Variants in SLMAP observed in about 807,000 individuals in gnomAD.
SLMAP encodes sarcolemma associated protein, also known as sarcolemmal membrane-associated protein.
Under a neutral mutation model 128.8 loss-of-function variants are expected in SLMAP, and 44 were observed. The ratio of observed to expected loss-of-function variants is 0.34; its 90% CI spans 0.27 to 0.44. SLMAP has a LOEUF of 0.44. Ranked by LOEUF, SLMAP falls within the 20% of genes least tolerant of loss-of-function variation. The pLI is 1.00. For synonymous variants in SLMAP, 327 were observed against 348.8 expected (o/e 0.94, Z 0.70); for missense variants, 787 against 985.3 (o/e 0.80, Z 2.69).
rs753780730 is a variant in SLMAP at position 57,912,479 on chromosome 3, G to A, written c.1798G>A (p.Glu600Lys). Residue 600 changes from glutamate (E) to lysine (K), a missense_variant, in exon 20 of 25, where the codon GAA becomes AAA. By Grantham distance (56) the Glu-to-Lys change is moderately conservative (BLOSUM62 1). This residue lies in a region of SLMAP where 715 missense variants were observed against 843.6 expected (regional missense o/e 0.85). Coordinates refer to ENST00000671191, the MANE Select transcript of SLMAP (RefSeq NM_001377540.1). ...TRDELLSARDEILLLHQAAAK... is the reference protein window; with the variant it reads ...TRDELLSARDKILLLHQAAAK... ...AGATGAATTGCTTAGTGCCCGAGAT[G>A]AAATTTTGCTCCTTCATCAAGCAGC... The A allele has an allele frequency of 4.8e-5, 77 of 1,614,052 alleles. No individual in the cohort carries two copies. Among genetic ancestry groups the A allele is most frequent in the Non-Finnish European group, 5.7e-5 (67 of 1,180,008 alleles).
chr3:57,874,489 A>G (rs2095557347), intron 14 of SLMAP, among the ~76,000 whole-genome samples: 1 of 152,136 alleles, frequency 6.6e-6, no homozygotes. Flanking sequence ...CGGTAGTCCC[A>G]GCTACTCAGG....
intron 14 of SLMAP, 31 bp from the exon 15 acceptor site, chr3:57,890,009 GC>G: frequency 1.3e-6 from 2 of 1,510,704 alleles, no homozygotes; most frequent in Non-Finnish European, 1.8e-6. Flanking sequence ...CTCAGTTTGG[GC>G]TTGGATGGTA....
chr3:57,895,878 A>G (rs555685216), intron 15 of SLMAP, among the ~76,000 whole-genome samples: 1 of 151,806 alleles, frequency 6.6e-6, no homozygotes, highest in East Asian at 2.0e-4. Flanking sequence ...CAGGAGGTCA[A>G]GGTTGTAGTG....
At chr3:57,906,408 C>G (rs1369072549) in intron 17 of SLMAP, among the ~76,000 whole-genome samples, 1 of 145,106 alleles carries the variant, frequency 6.9e-6, no homozygotes, top group Non-Finnish European at 1.5e-5. Context: ...CTCTGCCTCC[C>G]AGGTTCAAGC....
At chr3:57,829,345 A>T (rs1054952166) in intron 2 of SLMAP, among the ~76,000 whole-genome samples, 1 of 152,128 alleles carries the variant, frequency 6.6e-6, no homozygotes, top group Admixed American at 6.5e-5. Context: ...CTAATGTATC[A>T]GAACTTGAAG....
At chr3:57,774,540 A>C (rs906731223) in intron 2 of SLMAP, among the ~76,000 whole-genome samples, 4 of 144,438 alleles carry the variant, frequency 2.8e-5, no homozygotes, top group Non-Finnish European at 6.2e-5. Context: ...TATTATTATT[A>C]TTGAGACGAA....
chr3:57,927,490 C>T lies in SLMAP; in HGVS notation c.*201C>T. On this transcript the variant is annotated 3_prime_UTR_variant, in exon 25 of 25. Transcript: ENST00000671191. ...TTTTCTTCCTCTTTACCTCTTAAAA[C>T]AGCAGAAGTACAAGAATACAGCTGT... The T allele has an allele frequency of 3.6e-6, 2 of 556,406 alleles. No individual in the cohort carries two copies. The highest frequency in any genetic ancestry group is 3.5e-5 in the South Asian group (1 of 28,670). 34.5% of individuals were successfully genotyped at this position (556,406 alleles called of 1,614,324 possible).
intron 2 of SLMAP, among the ~76,000 whole-genome samples, chr3:57,827,650 C>G (rs1490344530): frequency 6.6e-6 from 1 of 152,186 alleles, no homozygotes; most frequent in Non-Finnish European, 1.5e-5. Context: ...CTCACCTGCT[C>G]AACATCAAAG....
chr3:57,775,823 C>T (rs919314381), intron 2 of SLMAP, among the ~76,000 whole-genome samples: 4 of 152,110 alleles, frequency 2.6e-5, no homozygotes, highest in African/African-American at 7.2e-5. Flanking sequence ...CTGAGGCTCC[C>T]AAGTAACTGG....
chr3:57,843,835 C>T (rs1174757807), intron 4 of SLMAP, among the ~76,000 whole-genome samples: 3 of 116,642 alleles, frequency 2.6e-5, no homozygotes, highest in Non-Finnish European at 4.9e-5. Context: ...GGCTGGAGTG[C>T]GGTGGGATGA....
intron 2 of SLMAP, among the ~76,000 whole-genome samples, chr3:57,795,197 T>C (rs1268403943): frequency 1.3e-5 from 2 of 152,362 alleles, no homozygotes; most frequent in East Asian, 3.9e-4. Context: ...CATGTCCTTA[T>C]CAGACATTTG....
At chr3:57,867,965 C>T (rs80087143) in intron 13 of SLMAP, among the ~76,000 whole-genome samples, 2,461 of 152,100 alleles carry the variant, frequency 0.016, 56 homozygotes, top group African/African-American at 0.057. Flanking sequence ...CAGTGTTGTC[C>T]GAAATAAACA....
At chr3:57,899,819 A>C (rs2096330149) in intron 17 of SLMAP, 1 of 152,250 alleles carries the variant, frequency 6.6e-6, no homozygotes, top group South Asian at 2.1e-4. Context: ...GATGTAAAGA[A>C]AAATCATCTA....
At chr3:57,883,383 G>A (rs2153636722) in intron 14 of SLMAP, among the ~76,000 whole-genome samples, 1 of 152,232 alleles carries the variant, frequency 6.6e-6, no homozygotes, top group East Asian at 1.9e-4. Flanking sequence ...ATTACTCAAG[G>A]TAGTTAAAGC....
chr3:57,863,883 G>A (rs1050227696), intron 10 of SLMAP, among the ~76,000 whole-genome samples: 3 of 152,098 alleles, frequency 2.0e-5, no homozygotes, highest in Non-Finnish European at 1.5e-5. Flanking sequence ...TAAAATTTCA[G>A]AATGTTAACA....
At position 57,928,792 on chromosome 3, in the gene SLMAP, GTTTATAC is replaced by G. The variant is rs2097044634; in HGVS notation, c.*1508_*1514del. ...TGCCTTGTGATGTTTGGCAGTCACT[GTTTATAC>G]TTTAAAGGTTATATTTTAAGCTATT... On this transcript the variant is annotated 3_prime_UTR_variant, in exon 25 of 25. Transcript: ENST00000671191. 1.3e-5 allele frequency: 2 copies of G among 152,532 alleles called. No homozygotes were observed. The highest frequency in any genetic ancestry group is 1.3e-4 in the Admixed American group (2 of 15,290). The allele number at this position is 152,532 out of a possible 1,614,324, so 9.4% of individuals were successfully genotyped here.
intron 2 of SLMAP, among the ~76,000 whole-genome samples, chr3:57,759,139 C>T (rs540572173): frequency 3.3e-5 from 5 of 152,272 alleles, no homozygotes; most frequent in South Asian, 2.1e-4. Context: ...CTATACTTTA[C>T]GTGTAGGATG....
At chr3:57,855,617 C>T (rs1219600539) in intron 6 of SLMAP, among the ~76,000 whole-genome samples, 4 of 144,274 alleles carry the variant, frequency 2.8e-5, no homozygotes, top group South Asian at 2.2e-4. Context: ...TGGCTCATGC[C>T]TGAAATCCCA....
intron 6 of SLMAP, among the ~76,000 whole-genome samples, chr3:57,856,373 TC>T (rs1372463251): frequency 1.3e-5 from 2 of 152,232 alleles, no homozygotes. Flanking sequence ...GTACAACTGT[TC>T]AAAAATATTG....
Sources: allele counts gnomAD v4.1 joint callset (sites outside exome capture counted in the v4.1 genomes callset), GRCh38; gene constraint gnomAD v4.1.1; regional missense constraint gnomAD v4.1.1; transcripts MANE v1.5; gene names NCBI Gene and HGNC (gene_info 2026-07-23, HGNC 2026-07-21).